COL16A1: variants seen among roughly 807,000 people sequenced by gnomAD.
The protein encoded by COL16A1 is collagen alpha-1(XVI) chain.
In COL16A1, 189 loss-of-function variants were observed where a neutral mutation model predicts 266.3. That is an observed-to-expected ratio of 0.71 (90% CI 0.63 to 0.80). COL16A1 has a LOEUF of 0.80. Ranked by LOEUF, COL16A1 falls within the 30% of genes least tolerant of loss-of-function variation. COL16A1 has a pLI of 0.00. For synonymous variants in COL16A1, 740 were observed against 782.3 expected (o/e 0.95, Z 0.90); for missense variants, 1,928 against 2,122.4 (o/e 0.91, Z 1.80).
Position 31,679,812 on chromosome 1 carries a change from C to T in COL16A1, c.2710G>A (p.Gly904Ser), listed in dbSNP as rs1028481298. ...GLWMGSSWQP[G>S]PQGPPGIPGP... ...GGAGACAAGCGACACACCTGCGGGC[C>T]CGGCTGCCAGGAGCTGCCCATCCAA... The change falls in exon 41 of 71, where the codon GGC becomes AGC. Residue 904 changes from glycine to serine, a missense_variant. This residue lies in a region of COL16A1 where 1,552 missense variants were observed against 1,637.2 expected (regional missense o/e 0.95). Transcript: ENST00000373672. 2 of 1,554,858 alleles carry T rather than the reference C, an allele frequency of 1.3e-6. No individual in the cohort carries two copies. The highest frequency in any genetic ancestry group is 8.7e-7 in the Non-Finnish European group (1 of 1,152,620).
intron 36 of COL16A1, 67 bp downstream of exon 36, chr1:31,683,127 C>T (rs1170233783): frequency 1.9e-6 from 3 of 1,611,484 alleles, no homozygotes; most frequent in Non-Finnish European, 2.5e-6. Context: ...CCCCCATGTC[C>T]CCTGTGCCTG....
intron 63 of COL16A1, 89 bp downstream of exon 63, chr1:31,658,825 T>C: frequency 7.0e-7 from 1 of 1,438,276 alleles, no homozygotes; most frequent in Admixed American, 2.0e-5. Flanking sequence ...CAAACTGTTC[T>C]CCATCCCCCC....
Position 31,684,079 on chromosome 1 carries a change from C to G in COL16A1, c.2283+30G>C, listed in dbSNP as rs374734532. 4.3e-6 allele frequency: 7 copies of G among 1,609,724 alleles called. No individual in the cohort carries two copies. The African/African-American group carries it at 9.3e-5, about 21-fold the overall frequency. ...GGAGGGAGAGGAGGCAAAGCCCAGG[C>G]AGGGAAGGGCCGGAGGGCAGGCAAC... On this transcript the variant is annotated intron_variant, in intron 32 of 70. Transcript: ENST00000373672.
intron 68 of COL16A1, 151 bp from the exon 69 acceptor site, chr1:31,654,194 G>A (rs1472691440): frequency 8.6e-6 from 10 of 1,161,820 alleles, no homozygotes; most frequent in East Asian, 2.6e-5. Context: ...GGTGGGTCTC[G>A]CAAGGGGGTT....
At chr1:31,680,757 C>T in intron 39 of COL16A1, 148 bp downstream of exon 39, 1 of 1,513,438 alleles carries the variant, frequency 6.6e-7, no homozygotes. Context: ...ATCCTCCAGT[C>T]CAAGGCAGCT....
chr1:31,655,329 A>G lies in COL16A1; in HGVS notation c.4275T>C (p.Gly1425=), dbSNP rs1374530669. The change falls in exon 67 of 71, where the codon GGT becomes GGC. Residue 1425 remains glycine (G), a synonymous_variant. Transcript: ENST00000373672. ...PGPSGSPGLP[G]VPGSMGDMVN... is the part of the protein sequence containing the mutation. ...TCCCCCTTACCATGGAGCCAGGCACACCAGGCAAGCCAGGGCTCCCCGAAG... is the reference window on the plus strand; with the variant it reads ...TCCCCCTTACCATGGAGCCAGGCACGCCAGGCAAGCCAGGGCTCCCCGAAG... 6.2e-7 allele frequency: 1 copy of G among 1,613,280 alleles called. No homozygotes were observed. Among genetic ancestry groups the G allele is most frequent in the Non-Finnish European group, 8.5e-7 (1 of 1,179,700 alleles).
chr1:31,673,008 T>C (rs2148716980), intron 44 of COL16A1, 168 bp from the exon 45 acceptor site: 2 of 712,338 alleles, frequency 2.8e-6, no homozygotes. Context: ...CTTTGCTCCA[T>C]CCTCGGGGGA....
In COL16A1 at chr1:31,690,613, C is replaced by G. The variant is rs1644218621; in HGVS notation, c.1438-40G>C. The G allele has an allele frequency of 1.9e-6, 3 of 1,609,298 alleles. No homozygotes were observed. The Admixed American group carries it at 5.0e-5, about 27-fold the overall frequency. ...AAGGATAAGCGGGGAGCCTTCTGGC[C>G]AATGCAATCTCGGTGCGTTCCCCCT... is the stretch of plus-strand genomic sequence containing the variant. On this transcript the variant is annotated intron_variant, in intron 20 of 70. Transcript: ENST00000373672.
At chr1:31,676,989 A>AGC (rs1643243019) in intron 42 of COL16A1, among the ~76,000 whole-genome samples, 1 of 152,218 alleles carries the variant, frequency 6.6e-6, no homozygotes, top group Non-Finnish European at 1.5e-5. Flanking sequence ...GCCAGCCACC[A>AGC]TCCAGGCCCC....
At chr1:31,682,348 G>A (rs528318580) in intron 37 of COL16A1, among the ~76,000 whole-genome samples, 195 of 152,274 alleles carry the variant, frequency 1.3e-3, no homozygotes, top group Non-Finnish European at 2.2e-3. Context: ...GATCTGTGCC[G>A]TCTGATACAG....
At chr1:31,658,835 C>A (rs533963147) in intron 63 of COL16A1, 79 bp downstream of exon 63, 1 of 1,493,896 alleles carries the variant, frequency 6.7e-7, no homozygotes, top group South Asian at 1.2e-5. Flanking sequence ...TCCATCCCCC[C>A]AGCTTCCTCT....
At position 31,696,954 on chromosome 1, in the gene COL16A1, C is replaced by G. The variant is rs766592351; in HGVS notation, c.864+9G>C. On this transcript the variant is annotated intron_variant, in intron 8 of 70. Transcript: ENST00000373672. ...CCTGTGCTGGCATCCACCTGTCCTG[C>G]CCACCCACCTCGCTGTTTTGAGGCT... 1 of 1,613,588 alleles carries G rather than the reference C, an allele frequency of 6.2e-7. No homozygotes were observed.
chr1:31,696,704 T>C (rs1464752493), intron 8 of COL16A1, among the ~76,000 whole-genome samples: 2 of 152,202 alleles, frequency 1.3e-5, no homozygotes, highest in Non-Finnish European at 1.5e-5. Flanking sequence ...CGTGAGGGTC[T>C]AGGCAGTGCC....
rs1236847414 is a variant in COL16A1, at chr1:31,675,287, G to C, written c.2797C>G (p.Pro933Ala). The C allele has an allele frequency of 6.2e-7, 1 of 1,614,106 alleles. No homozygotes were observed. Among genetic ancestry groups the C allele is most frequent in the Non-Finnish European group, 8.5e-7 (1 of 1,180,014 alleles). The change falls in exon 43 of 71, where the codon CCA (proline) becomes GCA (alanine). Residue 933 changes from proline to alanine, a missense_variant. By Grantham distance (27) the Pro-to-Ala change is conservative (BLOSUM62 -1). This residue lies in a region of COL16A1 where 1,552 missense variants were observed against 1,637.2 expected (regional missense o/e 0.95). Transcript: ENST00000373672. ...TCTGCAGTGAGCCCAGGCTGTCCTG[G>C]CAAACCGTTGTTTCCAGGCACTCCC... ...LQGVPGNNGLPGQPGLTAELG... is the reference protein window; with the variant it reads ...LQGVPGNNGLAGQPGLTAELG...
At chr1:31,655,542 T>A in intron 66 of COL16A1, 40 bp from the exon 67 acceptor site, 1 of 1,608,884 alleles carries the variant, frequency 6.2e-7, no homozygotes, top group South Asian at 1.1e-5. Context: ...ATTTACATCA[T>A]GATGTCTCAC....
chr1:31,697,783 G>T lies in COL16A1; in HGVS notation c.657+123C>A. 8.3e-7 allele frequency: 1 copy of T among 1,207,258 alleles called. No homozygotes were observed. The highest frequency in any genetic ancestry group is 1.2e-6 in the Non-Finnish European group (1 of 866,296). 74.8% of individuals were successfully genotyped at this position (1,207,258 alleles called of 1,614,324 possible). On this transcript the variant is annotated intron_variant, in intron 6 of 70. Transcript: ENST00000373672. The surrounding 1 kb of genome is among the most constrained non-coding windows in gnomAD (Gnocchi z 4.2). ...GAATATGTTTAGGCTGCATTTGGAG[G>T]GCAACAGGAAAGCAGGGGAAGATTC...
chr1:31,669,667 G>C (rs528667169), intron 49 of COL16A1: 2 of 152,270 alleles, frequency 1.3e-5, no homozygotes, highest in South Asian at 2.1e-4. Context: ...CTGTGACGAG[G>C]AGGGGCCCTG....
In COL16A1 at chr1:31,679,801, C is replaced by A; in HGVS notation, c.2718+3G>T. On this transcript the variant is annotated splice_donor_region_variant and intron_variant, in intron 41 of 70. Transcript: ENST00000373672. ...GGCGGACAAGAGGAGACAAGCGACACACCTGCGGGCCCGGCTGCCAGGAGC... is the reference window on the plus strand; with the variant it reads ...GGCGGACAAGAGGAGACAAGCGACAAACCTGCGGGCCCGGCTGCCAGGAGC... 6.4e-7 allele frequency: 1 copy of A among 1,565,224 alleles called. No homozygotes were observed.
intron 16 of COL16A1, 126 bp from the exon 17 acceptor site, chr1:31,692,193 C>T: frequency 7.1e-7 from 1 of 1,412,306 alleles, no homozygotes. Flanking sequence ...GGGTGAATGG[C>T]TTCAATCACC....
Sources: allele counts gnomAD v4.1 joint callset (sites outside exome capture counted in the v4.1 genomes callset), GRCh38; gene constraint gnomAD v4.1.1; regional missense constraint gnomAD v4.1.1; non-coding constraint Gnocchi (gnomAD v3.1); transcripts MANE v1.5; gene names NCBI Gene and HGNC (gene_info 2026-07-23, HGNC 2026-07-21).